SPRED2: variants seen among roughly 807,000 people sequenced by gnomAD.
SPRED2 encodes the protein sprouty-related, EVH1 domain-containing protein 2.
SPRED2 carries 47 observed loss-of-function variants against 43.0 expected under a neutral mutation model. The ratio of observed to expected loss-of-function variants is 1.09; its 90% CI spans 0.87 to 1.40. The LOEUF is 1.40. SPRED2 is among the 40% of genes most tolerant of loss of function. SPRED2 has a pLI of 0.00. For synonymous variants in SPRED2, 225 were observed against 225.7 expected (o/e 1.00, Z 0.03); for missense variants, 561 against 586.4 (o/e 0.96, Z 0.45).
In SPRED2 at chr2:65,334,621, G is replaced by A. The variant is rs773242396; in HGVS notation, c.357C>T (p.Ile119=). The A allele has an allele frequency of 3.1e-6, 5 of 1,614,024 alleles. No homozygotes were observed. The highest frequency in any genetic ancestry group is 4.2e-6 in the Non-Finnish European group (5 of 1,180,040). Residue 119 remains isoleucine (I), a synonymous_variant, in exon 3 of 6, where the codon ATC becomes ATT. Coordinates refer to ENST00000356388, the MANE Select transcript of SPRED2 (RefSeq NM_181784.3). ...RAFDRGVRKA[I]EDLIEGSTTS... is the part of the protein sequence containing the mutation. ...GTTCAATACCTTCTATAAGGTCTTCGATTGCTTTCCTTACTCCCCTGTCAA... is the reference window on the plus strand; with the variant it reads ...GTTCAATACCTTCTATAAGGTCTTCAATTGCTTTCCTTACTCCCCTGTCAA...
chr2:65,346,638 A>T (rs568530450), intron 1 of SPRED2, among the ~76,000 whole-genome samples: 12 of 151,100 alleles, frequency 7.9e-5, no homozygotes, highest in Non-Finnish European at 1.8e-4. Context: ...ATTAAAATGC[A>T]CTCTTGGCTG....
Position 65,314,043 on chromosome 2 carries a change from T to C in SPRED2, c.715A>G (p.Lys239Glu). 1 of 1,614,154 alleles carries C rather than the reference T, an allele frequency of 6.2e-7. No individual in the cohort carries two copies. The highest frequency in any genetic ancestry group is 8.5e-7 in the Non-Finnish European group (1 of 1,180,020). The change falls in exon 6 of 6, where the codon AAG becomes GAG. Residue 239 changes from lysine (K) to glutamate (E), a missense_variant. Transcript: ENST00000356388. Reference protein sequence around the residue: ...EDYRHAPVRGKYPDPSEDADS... With the variant: ...EDYRHAPVRGEYPDPSEDADS... ...GCGTCCTCCGAGGGGTCCGGGTACT[T>C]GCCCCTGACGGGTGCGTGCCGGTAA...
At chr2:65,353,646 T>C (rs1674570535) in intron 1 of SPRED2, among the ~76,000 whole-genome samples, 1 of 152,166 alleles carries the variant, frequency 6.6e-6, no homozygotes, top group South Asian at 2.1e-4. Flanking sequence ...TATATGCCCA[T>C]ACCTTGTTTA....
chr2:65,352,944 T>C (rs993484762), intron 1 of SPRED2, among the ~76,000 whole-genome samples: 17 of 152,188 alleles, frequency 1.1e-4, no homozygotes, highest in African/African-American at 4.1e-4. Flanking sequence ...TTTAAAAATA[T>C]GTTATCTTCA....
chr2:65,314,741 A>G (rs574040197), intron 5 of SPRED2, among the ~76,000 whole-genome samples: 19 of 152,356 alleles, frequency 1.2e-4, no homozygotes, highest in African/African-American at 4.6e-4. Flanking sequence ...CTGTTTTACG[A>G]AACTTCATTA....
chr2:65,426,260 C>T (rs1179278925), intron 1 of SPRED2, among the ~76,000 whole-genome samples: 6 of 152,178 alleles, frequency 3.9e-5, no homozygotes, highest in Non-Finnish European at 8.8e-5. Context: ...ATACCAGAGG[C>T]TCAATGTGAA....
chr2:65,383,374 C>A lies in SPRED2; in HGVS notation c.27-38478G>T, dbSNP rs186059360. Among the ~76,000 whole-genome samples the A allele has an allele frequency of 1.3e-3, 196 of 152,322 alleles. 4 individuals carry two copies. Among genetic ancestry groups the A allele is most frequent in the Non-Finnish European group, 2.9e-5 (2 of 68,026 alleles). On this transcript the variant is annotated intron_variant, in intron 1 of 5. Transcript: ENST00000356388. ...AGATGCTGTAAGAACAAGTGATGGT[C>A]CAATGAGGGGTATTTTGAGCTCTTC...
chr2:65,360,089 C>CAAAAAAAAAAAAAAAAAAAAAAAA (rs1294319058), intron 1 of SPRED2, among the ~76,000 whole-genome samples: 1 of 43,158 alleles, frequency 2.3e-5, no homozygotes, highest in African/African-American at 5.3e-5. Flanking sequence ...CAAAAAAAAA[C>CAAAAAAAAAAAAAAAAAAAAAAAA]AAAAAAAAAA....
chr2:65,411,922 C>T (rs1426225123), intron 1 of SPRED2, among the ~76,000 whole-genome samples: 2 of 151,896 alleles, frequency 1.3e-5, no homozygotes, highest in Non-Finnish European at 1.5e-5. Flanking sequence ...GGTCAATAGA[C>T]GGAGACCATC....
intron 1 of SPRED2, among the ~76,000 whole-genome samples, chr2:65,386,044 G>A (rs910692964): frequency 5.3e-5 from 8 of 152,162 alleles, no homozygotes; most frequent in African/African-American, 1.9e-4. Flanking sequence ...CAGCACTTTG[G>A]GAAGCGGGGG....
At chr2:65,383,709 A>C (rs1012245155) in intron 1 of SPRED2, among the ~76,000 whole-genome samples, 9 of 152,176 alleles carry the variant, frequency 5.9e-5, no homozygotes, top group Non-Finnish European at 1.0e-4. Context: ...TTCTCTTATC[A>C]TTTGGAGAAT....
Position 65,312,764 on chromosome 2 carries a change from T to G in SPRED2, c.*737A>C. ...AATTTTCCTGATTCTCACAAGTTAA[T>G]CTGAAGTTAAGGCTCAATTCTCAGT... On this transcript the variant is annotated 3_prime_UTR_variant, in exon 6 of 6. Transcript: ENST00000356388. The G allele has an allele frequency of 1.0e-6, 1 of 985,862 alleles. No individual in the cohort carries two copies. Among genetic ancestry groups the G allele is most frequent in the South Asian group, 4.7e-5 (1 of 21,284 alleles). 61.1% of individuals were successfully genotyped at this position (985,862 alleles called of 1,614,324 possible).
chr2:65,372,286 G>T (rs186053543), intron 1 of SPRED2, among the ~76,000 whole-genome samples: 51 of 152,314 alleles, frequency 3.3e-4, no homozygotes, highest in African/African-American at 1.2e-3. Context: ...GGATTAGTCG[G>T]CAGGCTTTGT....
intron 1 of SPRED2, among the ~76,000 whole-genome samples, chr2:65,420,338 C>T (rs1437723576): frequency 1.3e-5 from 2 of 152,062 alleles, no homozygotes; most frequent in Non-Finnish European, 2.9e-5. Flanking sequence ...CAGCACAGGC[C>T]TTCGTATTTT....
chr2:65,360,089 C>CAAAAAAAAAA (rs1294319058), intron 1 of SPRED2, among the ~76,000 whole-genome samples: 2 of 43,156 alleles, frequency 4.6e-5, no homozygotes, highest in South Asian at 1.1e-3. Flanking sequence ...CAAAAAAAAA[C>CAAAAAAAAAA]AAAAAAAAAA....
At chr2:65,396,048 C>A (rs1558683210) in intron 1 of SPRED2, among the ~76,000 whole-genome samples, 1 of 152,172 alleles carries the variant, frequency 6.6e-6, no homozygotes, top group Non-Finnish European at 1.5e-5. Flanking sequence ...CACTTATGAG[C>A]CTTCTCGGGC....
rs138517414 is a variant in SPRED2, at chr2:65,313,874, C to T, written c.884G>A (p.Gly295Asp). The T allele has an allele frequency of 1.6e-5, 26 of 1,610,466 alleles. 1 individual carries two copies. In the Middle Eastern group the frequency reaches 8.2e-4, roughly 51 times the overall value. ...GSVIKTQPSR[G>D]KSRRRKEDGE... Reference sequence around the variant, plus strand: ...GTCCTCCTTCCGCCGCCGCGACTTGCCCCGGGAGGGCTGCGTCTTGATCAC... The same window carrying T: ...GTCCTCCTTCCGCCGCCGCGACTTGTCCCGGGAGGGCTGCGTCTTGATCAC... Residue 295 changes from glycine to aspartate, a missense_variant, in exon 6 of 6, where the codon GGC (glycine) becomes GAC (aspartate). This residue lies in a region of SPRED2 where 164 missense variants were observed against 164.1 expected (regional missense o/e 1.00). Transcript: ENST00000356388.
downstream of SPRED2, among the ~76,000 whole-genome samples, chr2:65,310,205 AC>A (rs1673031352): frequency 1.3e-5 from 2 of 152,120 alleles, no homozygotes; most frequent in Non-Finnish European, 2.9e-5. Flanking sequence ...TAAAACTGAA[AC>A]GTTAACACTA....
intron 1 of SPRED2, among the ~76,000 whole-genome samples, chr2:65,429,935 G>A (rs911129520): frequency 1.6e-4 from 25 of 152,284 alleles, no homozygotes; most frequent in African/African-American, 5.5e-4. Context: ...AAATCCTTCT[G>A]CTTTGGATAG....
Sources: allele counts gnomAD v4.1 joint callset (sites outside exome capture counted in the v4.1 genomes callset), GRCh38; gene constraint gnomAD v4.1.1; regional missense constraint gnomAD v4.1.1; transcripts MANE v1.5; gene names NCBI Gene and HGNC (gene_info 2026-07-23, HGNC 2026-07-21).